Variants in LCMT1 observed in about 807,000 individuals in gnomAD.
The protein encoded by LCMT1 is [Phosphatase 2A protein]-leucine-carboxy methyltransferase 1.
In LCMT1, 32 loss-of-function variants were observed where a neutral mutation model predicts 47.7. That is an observed-to-expected ratio of 0.67 (90% CI 0.51 to 0.90). LCMT1 has a LOEUF of 0.90. LCMT1 is among the 40% of genes least tolerant of loss of function. The pLI, the probability that LCMT1 is intolerant of heterozygous loss-of-function variation, is 0.00. For missense variants in LCMT1, 375 were observed against 415.2 expected (o/e 0.90, Z 0.84); for synonymous variants, 152 against 149.7 (o/e 1.02, Z -0.11).
In LCMT1 at chr16:25,160,313, A is replaced by ATG. The variant is rs965543864; in HGVS notation, c.467-788_467-787insGT. Among the ~76,000 whole-genome samples, 5 of 1,924 alleles carry ATG rather than the reference A, an allele frequency of 2.6e-3. No homozygotes were observed. The Admixed American group carries it at 0.044, about 17-fold the overall frequency. The allele number at this position is 1,924 out of a possible 152,430, so 1.3% of individuals were successfully genotyped here. A position where few individuals can be genotyped will look rare whatever the true frequency, so the allele number is the denominator to read the frequency against. ...GAGAAATTTGGGGTGGAGCCTATCA[A>ATG]TCTGGTTTAGCACGCCACCCAGTTG... On this transcript the variant is annotated intron_variant, in intron 5 of 10. Transcript: ENST00000399069.
intron 4 of LCMT1, among the ~76,000 whole-genome samples, chr16:25,151,112 CT>C (rs1961068182): frequency 6.6e-6 from 1 of 152,298 alleles, no homozygotes; most frequent in East Asian, 1.9e-4. Context: ...TGTTACTGAA[CT>C]TCAAGTTTGT....
intron 1 of LCMT1, among the ~76,000 whole-genome samples, chr16:25,123,604 T>C (rs976798934): frequency 1.5e-5 from 2 of 129,594 alleles, no homozygotes; most frequent in Non-Finnish European, 3.3e-5. Context: ...TGCTTTCTTT[T>C]TTTTTTTTTT....
intron 4 of LCMT1, chr16:25,144,665 C>G (rs1960795280): frequency 6.6e-6 from 1 of 152,170 alleles, no homozygotes; most frequent in Admixed American, 6.5e-5. Flanking sequence ...GACTTCTAAC[C>G]CAGTCTGAAC....
intron 3 of LCMT1, among the ~76,000 whole-genome samples, chr16:25,136,366 G>A (rs1960504547): frequency 6.6e-6 from 1 of 152,058 alleles, no homozygotes; most frequent in South Asian, 2.1e-4. Context: ...TTGCATGCAG[G>A]CTATTTGGAG....
chr16:25,130,631 G>GC (rs2141648090), intron 2 of LCMT1, among the ~76,000 whole-genome samples: 1 of 151,942 alleles, frequency 6.6e-6, no homozygotes, highest in African/African-American at 2.4e-5. Context: ...GGGTGACAGA[G>GC]CGAGACCCTG....
At chr16:25,151,924 AACAT>A (rs1961094604) in intron 5 of LCMT1, among the ~76,000 whole-genome samples, 1 of 142,354 alleles carries the variant, frequency 7.0e-6, no homozygotes, top group African/African-American at 2.5e-5. Flanking sequence ...CAGGTGGGTG[AACAT>A]ACATATTTAA....
In LCMT1 at chr16:25,150,333, GTTTTTTTTTTTTTTT is replaced by G. The variant is rs35240331; in HGVS notation, c.405-1207_405-1193del. 7.3e-3 allele frequency among the ~76,000 whole-genome samples: 687 copies of G among 93,566 alleles called. 17 individuals are homozygous for G. Among genetic ancestry groups the G allele is most frequent in the African/African-American group, 0.029 (658 of 22,918 alleles). The allele number at this position is 93,566 out of a possible 152,430, so 61.4% of individuals were successfully genotyped here. Reference sequence around the variant, plus strand: ...ATCAAGGCATCTTCATAGTTTTCTGGTTTTTTTTTTTTTTTTTTTTTTTTTTTTGAGACGGAGTTT... The same window carrying G: ...ATCAAGGCATCTTCATAGTTTTCTGGTTTTTTTTTTTTTGAGACGGAGTTT... On this transcript the variant is annotated intron_variant, in intron 4 of 10. Transcript: ENST00000399069.
Position 25,151,719 on chromosome 16 carries a change from G to GTGTGTGTT in LCMT1, c.466+108_466+109insTGTTTGTG, listed in dbSNP as rs1364523853. The GTGTGTGTT allele has an allele frequency of 6.3e-6, 5 of 788,376 alleles. No homozygotes were observed. The African/African-American group carries it at 8.7e-5, about 14-fold the overall frequency. 48.8% of individuals were successfully genotyped at this position (788,376 alleles called of 1,614,324 possible). A position where few individuals can be genotyped will look rare whatever the true frequency, so the allele number is the denominator to read the frequency against. On this transcript the variant is annotated intron_variant, in intron 5 of 10. Coordinates refer to ENST00000399069, the MANE Select transcript of LCMT1 (RefSeq NM_016309.3). Reference sequence around the variant, plus strand: ...TGGGTGTGTGTGTGTGTGTGTGTGTGTGTGGTGTTATACAATGTATTGTCA... The same window carrying GTGTGTGTT: ...TGGGTGTGTGTGTGTGTGTGTGTGTGTGTGTGTTTGTGGTGTTATACAATGTATTGTCA...
chr16:25,130,603 A>G (rs891895546), intron 2 of LCMT1, among the ~76,000 whole-genome samples: 25 of 152,190 alleles, frequency 1.6e-4, no homozygotes, highest in African/African-American at 5.8e-4. Context: ...CCAGGATTGT[A>G]CCACTGCATT....
At chr16:25,166,006 G>A (rs1212445040) in intron 7 of LCMT1, among the ~76,000 whole-genome samples, 4 of 151,932 alleles carry the variant, frequency 2.6e-5, no homozygotes, top group Admixed American at 1.3e-4. Context: ...GGTGGCTCAC[G>A]CCTGTGATCC....
chr16:25,112,970 A>G (rs1198923076), intron 1 of LCMT1, among the ~76,000 whole-genome samples: 1 of 151,774 alleles, frequency 6.6e-6, no homozygotes, highest in African/African-American at 2.4e-5. Flanking sequence ...GTGAAACCCC[A>G]TCTCTACTAA....
chr16:25,138,585 A>T (rs938965618), intron 3 of LCMT1, among the ~76,000 whole-genome samples: 12 of 152,144 alleles, frequency 7.9e-5, no homozygotes, highest in African/African-American at 2.4e-4. Context: ...TGCAGGCCAC[A>T]AGAAGAAATA....
At chr16:25,127,732 G>A (rs1344046543) in intron 1 of LCMT1, among the ~76,000 whole-genome samples, 2 of 152,206 alleles carry the variant, frequency 1.3e-5, no homozygotes, top group Non-Finnish European at 2.9e-5. Context: ...CAAAATCGAT[G>A]TTCAGAGGTA....
chr16:25,155,387 TA>T (rs927576551), intron 5 of LCMT1, among the ~76,000 whole-genome samples: 14 of 147,512 alleles, frequency 9.5e-5, no homozygotes, highest in African/African-American at 3.2e-4. Context: ...CACAAAAACA[TA>T]AAAAAAAAAC....
intron 5 of LCMT1, among the ~76,000 whole-genome samples, chr16:25,157,422 G>A (rs532124677): frequency 6.6e-6 from 1 of 152,116 alleles, no homozygotes; most frequent in East Asian, 1.9e-4. Flanking sequence ...AGGCATGGTG[G>A]TGCACGTCTG....
At chr16:25,134,818 C>T (rs1471095998) in intron 3 of LCMT1, among the ~76,000 whole-genome samples, 1 of 152,200 alleles carries the variant, frequency 6.6e-6, no homozygotes, top group East Asian at 1.9e-4. Flanking sequence ...CCAGGCTGGT[C>T]TTGAACTCCT....
At chr16:25,171,958 T>C (rs1961788231) in intron 9 of LCMT1, among the ~76,000 whole-genome samples, 1 of 152,184 alleles carries the variant, frequency 6.6e-6, no homozygotes, top group Admixed American at 6.5e-5. Context: ...TTGAAAACAA[T>C]AGATTGTATT....
chr16:25,130,979 G>A (rs1960335148), intron 2 of LCMT1, among the ~76,000 whole-genome samples: 1 of 152,236 alleles, frequency 6.6e-6, no homozygotes. Flanking sequence ...TGAGAGGGAA[G>A]AGATGGAGAA....
Position 25,139,181 on chromosome 16 carries a change from A to G in LCMT1, c.328-990A>G, listed in dbSNP as rs187066172. Among the ~76,000 whole-genome samples, 540 of 152,268 alleles carry G rather than the reference A, an allele frequency of 3.5e-3. 5 individuals are homozygous for G. The highest frequency in any genetic ancestry group is 0.012 in the African/African-American group (514 of 41,542). ...TGCCTCAGCCTCCCAAAGTGCTGGG[A>G]TTACAGGCGTGAGCCACGGGTGCCC... On this transcript the variant is annotated intron_variant, in intron 3 of 10. Coordinates refer to ENST00000399069, the MANE Select transcript of LCMT1 (RefSeq NM_016309.3).
Sources: gnomAD v4.1 joint callset for allele counts (sites outside exome capture counted in the v4.1 genomes callset) on GRCh38, gnomAD v4.1.1 for gene constraint, MANE v1.5 for transcripts, NCBI Gene and HGNC (gene_info 2026-07-23, HGNC 2026-07-21) for gene names.